The following ABLIM1 variants were observed in gnomAD, a reference collection of about 807,000 sequenced individuals.
ABLIM1 encodes actin binding LIM protein 1, also known as actin-binding LIM protein 1.
ABLIM1 carries 40 observed loss-of-function variants against 107.0 expected under a neutral mutation model. That is an observed-to-expected ratio of 0.37 (90% confidence interval 0.29 to 0.49). The LOEUF (loss-of-function observed/expected upper bound fraction) is 0.49, where lower values mean the gene tolerates loss of function less well. Ranked by LOEUF, ABLIM1 falls within the 20% of genes least tolerant of loss-of-function variation. The probability of loss-of-function intolerance (pLI) is 0.97; values close to 1 mark genes in which losing one functional copy is unlikely to be tolerated. For synonymous variants in ABLIM1, 357 were observed against 357.3 expected (o/e 1.00, Z 0.01); for missense variants, 857 against 1,008.5 (o/e 0.85, Z 2.04).
At chr10:114,479,793 T>C (rs1022830050) in intron 8 of ABLIM1, among the ~76,000 whole-genome samples, 1 of 152,242 alleles carries the variant, frequency 6.6e-6, no homozygotes, top group Non-Finnish European at 1.5e-5. Context: ...CTTTTAATCC[T>C]AGATACTTAG....
At chr10:114,523,984 C>T (rs986449094) in intron 6 of ABLIM1, among the ~76,000 whole-genome samples, 2 of 152,124 alleles carry the variant, frequency 1.3e-5, no homozygotes, top group African/African-American at 4.8e-5. Flanking sequence ...ACATTGGTAC[C>T]TCCAGGTGGA....
chr10:114,622,504 C>T (rs184710597), intron 1 of ABLIM1, among the ~76,000 whole-genome samples: 1 of 152,216 alleles, frequency 6.6e-6, no homozygotes, highest in Non-Finnish European at 1.5e-5. Flanking sequence ...GCTTTAGCCT[C>T]CCAAATTGCT....
At chr10:114,656,627 A>G (rs2079537115) in intron 1 of ABLIM1, among the ~76,000 whole-genome samples, 1 of 152,264 alleles carries the variant, frequency 6.6e-6, no homozygotes, top group South Asian at 2.1e-4. Context: ...GTATATGGAT[A>G]TGCATAGAGG....
At chr10:114,615,433 G>C (rs2077071263) in intron 1 of ABLIM1, 5 of 361,182 alleles carry the variant, frequency 1.4e-5, no homozygotes, top group African/African-American at 6.2e-5. Flanking sequence ...ACTTCTCCCT[G>C]AACTACCTTG....
At chr10:114,747,357 G>C (rs2082406165) in intron 1 of ABLIM1, among the ~76,000 whole-genome samples, 1 of 152,198 alleles carries the variant, frequency 6.6e-6, no homozygotes, top group Admixed American at 6.5e-5. Context: ...GAGCCAGGCA[G>C]CCATGGCCAA....
rs1484101683 is a variant in ABLIM1, at chr10:114,491,010, G to GTATA, written c.982+780_982+781insTATA. On this transcript the variant is annotated intron_variant, in intron 7 of 22. Coordinates refer to ENST00000533213, the MANE Select transcript of ABLIM1 (RefSeq NM_002313.7). Reference sequence around the variant, plus strand: ...TGTGTGTGTGTGTGTGTGTGTGTGTGTGTATATATATATATGGTCTATTTT... The same window carrying GTATA: ...TGTGTGTGTGTGTGTGTGTGTGTGTGTATATGTATATATATATATGGTCTATTTT... 3.2e-3 allele frequency among the ~76,000 whole-genome samples: 285 copies of GTATA among 89,178 alleles called. 2 individuals are homozygous for GTATA. The highest frequency in any genetic ancestry group is 0.014 in the African/African-American group (265 of 19,296). The allele number at this position is 89,178 out of a possible 152,430, so 58.5% of individuals were successfully genotyped here. A position where few individuals can be genotyped will look rare whatever the true frequency, so the allele number is the denominator to read the frequency against.
At position 114,473,600 on chromosome 10, in the gene ABLIM1, T is replaced by C. The variant is rs1007107152; in HGVS notation, c.1119+279A>G. ...TATGCAATTTAGGTGCAAGAATTTTTTTTTTTGAGACGGAGTCTTAGGTGC... is the reference window on the plus strand; with the variant it reads ...TATGCAATTTAGGTGCAAGAATTTTCTTTTTTGAGACGGAGTCTTAGGTGC... On this transcript the variant is annotated intron_variant, in intron 9 of 22. Transcript: ENST00000533213. 3.3e-5 allele frequency among the ~76,000 whole-genome samples: 5 copies of C among 152,324 alleles called. No individual in the cohort carries two copies. In the South Asian group the frequency reaches 1.0e-3, roughly 32 times the overall value.
intron 6 of ABLIM1, among the ~76,000 whole-genome samples, chr10:114,494,842 T>A (rs2059457426): frequency 6.6e-6 from 1 of 152,202 alleles, no homozygotes; most frequent in Non-Finnish European, 1.5e-5. Flanking sequence ...TCTCTAATCC[T>A]CAGCTTCCAC....
chr10:114,438,071 C>T, intron 21 of ABLIM1, 147 bp from the exon 22 acceptor site: 1 of 709,598 alleles, frequency 1.4e-6, no homozygotes, highest in Non-Finnish European at 2.3e-6. Context: ...TTCTGCAAGG[C>T]CAGTGGAAGC....
chr10:114,489,120 C>T (rs2058589978), intron 7 of ABLIM1, among the ~76,000 whole-genome samples: 1 of 152,008 alleles, frequency 6.6e-6, no homozygotes, highest in South Asian at 2.1e-4. Context: ...CAGGTTCAAG[C>T]GATTCTCCTG....
intron 1 of ABLIM1, among the ~76,000 whole-genome samples, chr10:114,748,677 G>A (rs1167823382): frequency 7.5e-6 from 1 of 134,050 alleles, no homozygotes; most frequent in Non-Finnish European, 1.6e-5. Flanking sequence ...TTTTTTTAGT[G>A]ATGAGGTCTT....
intron 3 of ABLIM1, among the ~76,000 whole-genome samples, chr10:114,574,435 A>ATTTAT (rs1018794254): frequency 2.0e-5 from 3 of 151,330 alleles, no homozygotes; most frequent in Non-Finnish European, 2.9e-5. Flanking sequence ...TCATTTTATT[A>ATTTAT]TTTATTTTAT....
intron 1 of ABLIM1, among the ~76,000 whole-genome samples, chr10:114,634,360 C>A (rs2078369718): frequency 6.6e-6 from 1 of 151,310 alleles, no homozygotes; most frequent in African/African-American, 2.4e-5. Flanking sequence ...TCTCGATCTC[C>A]TGACCTCGTG....
At chr10:114,453,573 A>C (rs1385359807) in intron 12 of ABLIM1, 90 bp from the exon 13 acceptor site, 40 of 1,069,588 alleles carry the variant, frequency 3.7e-5, no homozygotes, top group Non-Finnish European at 1.4e-5. Context: ...TCAAAACAAC[A>C]GACTGGAAGG....
the ABLIM1 span, chr10:114,779,614 C>G: frequency 3.3e-5 from 5 of 151,936 alleles, no homozygotes; most frequent in Non-Finnish European, 7.4e-5. Flanking sequence ...CTGGATTATG[C>G]CTTATTTTTC....
intron 1 of ABLIM1, among the ~76,000 whole-genome samples, chr10:114,672,412 A>C (rs552785461): frequency 1.4e-4 from 21 of 152,102 alleles, no homozygotes; most frequent in African/African-American, 5.1e-4. Flanking sequence ...TGTTGGCCAG[A>C]GTGGTCTCGA....
intron 1 of ABLIM1, among the ~76,000 whole-genome samples, chr10:114,625,675 T>C (rs1165477962): frequency 6.6e-6 from 1 of 152,124 alleles, no homozygotes; most frequent in African/African-American, 2.4e-5. Context: ...ACAAGGCAGG[T>C]AGACAGTATG....
At chr10:114,662,347 A>G (rs532820175), upstream of ABLIM1, among the ~76,000 whole-genome samples, 4 of 152,234 alleles carry the variant, frequency 2.6e-5, no homozygotes, top group Admixed American at 6.5e-5. Context: ...AACAGAACAG[A>G]TTCAGTGGGA....
chr10:114,593,156 G>A (rs1426468476), intron 2 of ABLIM1, among the ~76,000 whole-genome samples: 4 of 152,164 alleles, frequency 2.6e-5, no homozygotes, highest in African/African-American at 4.8e-5. Context: ...AGTACAAACT[G>A]TCTCATAACC....
Sources: allele counts gnomAD v4.1 joint callset (sites outside exome capture counted in the v4.1 genomes callset), GRCh38; gene constraint gnomAD v4.1.1; transcripts MANE v1.5; gene names NCBI Gene and HGNC (gene_info 2026-07-23, HGNC 2026-07-21).